TENM2: variants seen among roughly 807,000 people sequenced by gnomAD.
TENM2 encodes teneurin-2.
Under a neutral mutation model 245.2 loss-of-function variants are expected in TENM2, and 52 were observed. That is an observed-to-expected ratio of 0.21 (90% CI 0.17 to 0.27). The LOEUF (loss-of-function observed/expected upper bound fraction) is 0.27. Ranked by LOEUF, TENM2 falls within the 10% of genes least tolerant of loss-of-function variation. The probability of loss-of-function intolerance (pLI) is 1.00; values close to 1 mark genes in which losing one functional copy is unlikely to be tolerated. For missense variants in TENM2, 3,046 were observed against 3,666.8 expected, an observed-to-expected ratio of 0.83 and a Z score of 4.37; for synonymous variants, 1,363 against 1,438.9, an observed-to-expected ratio of 0.95 and a Z score of 1.19.
Position 167,891,581 on chromosome 5 carries a change from G to C in TENM2, c.712+15386G>C, listed in dbSNP as rs147575576. 2.6e-5 allele frequency among the ~76,000 whole-genome samples: 4 copies of C among 152,288 alleles called. No homozygotes were observed. In the East Asian group the frequency reaches 7.7e-4, roughly 29 times the overall value. On this transcript the variant is annotated intron_variant, in intron 3 of 28. Coordinates refer to ENST00000518659, the Ensembl canonical transcript of TENM2. ...GCTGACCCACTAAGATCAGTGCTAA[G>C]GGAGTTACAAGCAGAATTCAAACTC... is the stretch of plus-strand genomic sequence containing the variant.
At chr5:167,458,483 T>C (rs1240170382) in intron 2 of TENM2, among the ~76,000 whole-genome samples, 1 of 93,744 alleles carries the variant, frequency 1.1e-5, no homozygotes, top group Non-Finnish European at 2.1e-5. Context: ...CAAGACTCCG[T>C]CTCAAAAAAA....
the TENM2 span, among the ~76,000 whole-genome samples, chr5:167,268,135 GAT>G: frequency 1.6e-4 from 24 of 152,102 alleles, no homozygotes; most frequent in South Asian, 4.1e-4. Context: ...TGCAAAATAA[GAT>G]ATAGAGGCAT....
At chr5:167,931,308 T>G (rs1265066734) in intron 3 of TENM2, among the ~76,000 whole-genome samples, 1 of 152,064 alleles carries the variant, frequency 6.6e-6, no homozygotes, top group Non-Finnish European at 1.5e-5. Context: ...CTACTGTACT[T>G]TATTGTGATG....
At chr5:168,004,016 A>G (rs1784611772) in intron 5 of TENM2, among the ~76,000 whole-genome samples, 1 of 152,226 alleles carries the variant, frequency 6.6e-6, no homozygotes, top group African/African-American at 2.4e-5. Context: ...GATGTAAGAG[A>G]TGGAAAGACT....
At chr5:167,981,148 C>T (rs1269379630) in intron 4 of TENM2, among the ~76,000 whole-genome samples, 1 of 152,188 alleles carries the variant, frequency 6.6e-6, no homozygotes, top group African/African-American at 2.4e-5. Flanking sequence ...ATCCCTGCTC[C>T]AGAGCTTTCC....
At chr5:168,086,161 C>G (rs1792437232) in intron 7 of TENM2, among the ~76,000 whole-genome samples, 1 of 152,176 alleles carries the variant, frequency 6.6e-6, no homozygotes, top group Admixed American at 6.5e-5. Context: ...CATCTCTGGG[C>G]TGCCCGGTCC....
intron 2 of TENM2, among the ~76,000 whole-genome samples, chr5:167,715,844 A>T (rs1417411067): frequency 1.3e-5 from 2 of 152,226 alleles, no homozygotes; most frequent in African/African-American, 4.8e-5. Flanking sequence ...ACTATTTTTC[A>T]GTTTGAGGAT....
intron 2 of TENM2, among the ~76,000 whole-genome samples, chr5:167,692,451 A>T (rs1290028033): frequency 4.6e-5 from 7 of 152,166 alleles, no homozygotes; most frequent in Non-Finnish European, 8.8e-5. Flanking sequence ...TTTAATTAAC[A>T]TCTCAGGCAT....
intron 9 of TENM2, among the ~76,000 whole-genome samples, chr5:168,104,955 C>T (rs1234890955): frequency 6.6e-6 from 1 of 152,136 alleles, no homozygotes; most frequent in Non-Finnish European, 1.5e-5. Context: ...AGCGAGGGAA[C>T]CACAGGCTCT....
chr5:167,217,089 T>C, the TENM2 span, among the ~76,000 whole-genome samples: 1 of 152,232 alleles, frequency 6.6e-6, no homozygotes, highest in African/African-American at 2.4e-5. Flanking sequence ...AGATTTGTCC[T>C]ATTTTAGGTT....
At chr5:168,046,696 T>G (rs1477463251) in intron 5 of TENM2, among the ~76,000 whole-genome samples, 1 of 152,170 alleles carries the variant, frequency 6.6e-6, no homozygotes, top group Admixed American at 6.5e-5. Context: ...GAACTCTGTT[T>G]CATTCCATAC....
At chr5:167,458,182 T>C (rs1271786653) in intron 2 of TENM2, among the ~76,000 whole-genome samples, 1 of 152,014 alleles carries the variant, frequency 6.6e-6, no homozygotes, top group Non-Finnish European at 1.5e-5. Flanking sequence ...TATCATTTGT[T>C]TAAGGTCAGT....
chr5:167,175,662 A>G, the TENM2 span, among the ~76,000 whole-genome samples: 1 of 152,178 alleles, frequency 6.6e-6, no homozygotes, highest in Non-Finnish European at 1.5e-5. Flanking sequence ...CTCTGGCCTG[A>G]ACTCTCACAC....
At chr5:168,237,000 ATTTTTTTTTTTTTTTTT>A (rs1167021328) in intron 25 of TENM2, among the ~76,000 whole-genome samples, 28 of 6,312 alleles carry the variant, frequency 4.4e-3, no homozygotes, top group Admixed American at 6.9e-3. Context: ...ATATATATAT[ATTTTTTTTTTTTTTTTT>A]TTTTTTTTTT....
chr5:168,162,534 C>T (rs923158173), intron 12 of TENM2, 77 bp from the exon 15 acceptor site: 3 of 1,516,972 alleles, frequency 2.0e-6, no homozygotes, highest in Non-Finnish European at 2.7e-6. Flanking sequence ...CGGCCTTGCT[C>T]CCCTCTGCAT....
chr5:167,624,868 T>C (rs1332170928), intron 2 of TENM2, among the ~76,000 whole-genome samples: 3 of 152,164 alleles, frequency 2.0e-5, no homozygotes, highest in African/African-American at 7.2e-5. Context: ...AGGTGAAGTG[T>C]TTATCTGTAG....
chr5:167,011,273 T>C, the TENM2 span, among the ~76,000 whole-genome samples: 1 of 152,182 alleles, frequency 6.6e-6, no homozygotes, highest in Non-Finnish European at 1.5e-5. Flanking sequence ...TCCATAAACG[T>C]CTAAGTAATG....
chr5:167,916,644 A>C (rs1215577412), intron 3 of TENM2, among the ~76,000 whole-genome samples: 2 of 152,038 alleles, frequency 1.3e-5, no homozygotes, highest in Non-Finnish European at 2.9e-5. Flanking sequence ...GCGCATCTCC[A>C]GGAGTAGAGT....
chr5:168,161,817 TAC>T (rs113801768), intron 12 of TENM2, among the ~76,000 whole-genome samples: 163 of 147,090 alleles, frequency 1.1e-3, no homozygotes, highest in Middle Eastern at 3.5e-3. Flanking sequence ...AGCGCATGTA[TAC>T]ACACACACAC....
Sources: allele counts gnomAD v4.1 joint callset (sites outside exome capture counted in the v4.1 genomes callset), GRCh38; gene constraint gnomAD v4.1.1; transcripts MANE v1.5; gene names NCBI Gene and HGNC (gene_info 2026-07-23, HGNC 2026-07-21).